OPCML: variants seen among roughly 807,000 people sequenced by gnomAD.
The protein encoded by OPCML is opioid-binding protein/cell adhesion molecule.
Under a neutral mutation model 37.8 loss-of-function variants are expected in OPCML, and 13 were observed. The ratio of observed to expected loss-of-function variants is 0.34; its 90% CI spans 0.22 to 0.55. OPCML has a LOEUF of 0.55. OPCML is among the 20% of genes least tolerant of loss of function. OPCML has a pLI of 0.91. For synonymous variants in OPCML, 176 were observed against 168.8 expected, an observed-to-expected ratio of 1.04 and a Z score of -0.33; for missense variants, 341 against 435.6, an observed-to-expected ratio of 0.78 and a Z score of 1.93.
At chr11:133,013,259 T>C (rs758307110) in intron 1 of OPCML, among the ~76,000 whole-genome samples, 2 of 152,230 alleles carry the variant, frequency 1.3e-5, no homozygotes, top group African/African-American at 2.4e-5. Flanking sequence ...ATTTTCTTTT[T>C]TTAACCTATG....
chr11:132,560,946 T>G (rs2096409388), intron 3 of OPCML, among the ~76,000 whole-genome samples: 1 of 152,198 alleles, frequency 6.6e-6, no homozygotes, highest in African/African-American at 2.4e-5. Context: ...TATCTTTGTT[T>G]TTGTTGCATT....
At chr11:132,961,497 G>A (rs950531363) in intron 1 of OPCML, among the ~76,000 whole-genome samples, 2 of 152,184 alleles carry the variant, frequency 1.3e-5, no homozygotes, top group South Asian at 2.1e-4. Flanking sequence ...GATGCTATTC[G>A]TAGATGTAGC....
intron 1 of OPCML, among the ~76,000 whole-genome samples, chr11:133,142,689 C>T (rs1949840514): frequency 6.6e-6 from 1 of 152,114 alleles, no homozygotes; most frequent in Admixed American, 6.5e-5. Context: ...TTTCCACTGA[C>T]ACACTGAATG....
intron 2 of OPCML, among the ~76,000 whole-genome samples, chr11:132,809,154 C>T (rs1220347532): frequency 6.6e-6 from 1 of 152,146 alleles, no homozygotes; most frequent in Non-Finnish European, 1.5e-5. Flanking sequence ...AGTTAATTTT[C>T]TTCCATAATG....
chr11:133,078,878 A>G (rs145551567), intron 1 of OPCML, among the ~76,000 whole-genome samples: 297 of 152,270 alleles, frequency 2.0e-3, no homozygotes, highest in Non-Finnish European at 3.7e-3. Flanking sequence ...ATGCTATGCT[A>G]TTCTTTTACT....
At chr11:132,976,668 A>G (rs1033689786) in intron 1 of OPCML, among the ~76,000 whole-genome samples, 1 of 152,170 alleles carries the variant, frequency 6.6e-6, no homozygotes, top group African/African-American at 2.4e-5. Flanking sequence ...CTTCCCAGTC[A>G]CTTATAATAA....
intron 3 of OPCML, among the ~76,000 whole-genome samples, chr11:132,609,427 C>T (rs552848849): frequency 3.9e-5 from 6 of 152,202 alleles, no homozygotes; most frequent in East Asian, 1.9e-4. Context: ...TGGCAGGTTC[C>T]GGTTAACATT....
At chr11:132,697,011 A>G (rs1237667197) in intron 2 of OPCML, among the ~76,000 whole-genome samples, 1 of 152,250 alleles carries the variant, frequency 6.6e-6, no homozygotes, top group Non-Finnish European at 1.5e-5. Context: ...TTCCATGCTC[A>G]TATGTATAGG....
At chr11:133,247,178 G>C (rs1007950665) in intron 1 of OPCML, among the ~76,000 whole-genome samples, 2 of 152,166 alleles carry the variant, frequency 1.3e-5, no homozygotes, top group Non-Finnish European at 2.9e-5. Context: ...AATGAGAAAA[G>C]AGAAGCAAAA....
intron 1 of OPCML, among the ~76,000 whole-genome samples, chr11:133,276,265 A>C (rs1349015582): frequency 6.6e-6 from 1 of 152,192 alleles, no homozygotes; most frequent in African/African-American, 2.4e-5. Context: ...GGTAGAAGTA[A>C]GGAATCGTGG....
At chr11:133,187,585 C>T (rs1286914737) in intron 1 of OPCML, among the ~76,000 whole-genome samples, 3 of 152,092 alleles carry the variant, frequency 2.0e-5, no homozygotes, top group Non-Finnish European at 4.4e-5. Flanking sequence ...TTCACCAAGA[C>T]AGGAGTATAA....
intron 3 of OPCML, among the ~76,000 whole-genome samples, chr11:132,625,495 C>CT (rs1162155202): frequency 6.6e-6 from 1 of 152,178 alleles, no homozygotes; most frequent in East Asian, 1.9e-4. Flanking sequence ...GAGGCAGTTA[C>CT]TTATGCCTCT....
At chr11:133,370,909 G>T (rs1283776490) in intron 1 of OPCML, among the ~76,000 whole-genome samples, 1 of 152,160 alleles carries the variant, frequency 6.6e-6, no homozygotes, top group South Asian at 2.1e-4. Context: ...GAGAATATTT[G>T]CAAACTATTC....
chr11:133,250,322 T>A (rs1941084228), intron 1 of OPCML, among the ~76,000 whole-genome samples: 1 of 151,812 alleles, frequency 6.6e-6, no homozygotes, highest in Admixed American at 6.6e-5. Flanking sequence ...TAATTCTATA[T>A]CAGCCAAACT....
intron 2 of OPCML, among the ~76,000 whole-genome samples, chr11:132,688,747 TC>T (rs1364554955): frequency 2.9e-5 from 1 of 34,512 alleles, no homozygotes; most frequent in Non-Finnish European, 5.9e-5. Context: ...ATCGAGACCA[TC>T]CTGGCTAACA....
chr11:133,014,200 A>G (rs538678535), intron 1 of OPCML, among the ~76,000 whole-genome samples: 98 of 152,226 alleles, frequency 6.4e-4, no homozygotes, highest in South Asian at 5.6e-3. Context: ...TTCTCTAAAA[A>G]CTAACTGTTC....
At chr11:133,496,464 T>C (rs1947789453) in intron 1 of OPCML, among the ~76,000 whole-genome samples, 1 of 152,186 alleles carries the variant, frequency 6.6e-6, no homozygotes. Flanking sequence ...GATGGGGATG[T>C]GTTGCATTTG....
chr11:133,420,778 C>T (rs1323795095), intron 1 of OPCML: 1 of 985,368 alleles, frequency 1.0e-6, no homozygotes, highest in Non-Finnish European at 1.2e-6. Context: ...AGTTGAAATT[C>T]AATTTTTCCC....
intron 2 of OPCML, chr11:132,860,713 A>T (rs1180881268): frequency 6.6e-6 from 1 of 152,170 alleles, no homozygotes; most frequent in Non-Finnish European, 1.5e-5. Flanking sequence ...TCATTTTACC[A>T]AAAAAGCTGT....
Sources: gnomAD v4.1 joint callset for allele counts (sites outside exome capture counted in the v4.1 genomes callset) on GRCh38, gnomAD v4.1.1 for gene constraint, MANE v1.5 for transcripts, NCBI Gene and HGNC (gene_info 2026-07-23, HGNC 2026-07-21) for gene names.